Variants in SVEP1 observed in about 807,000 individuals in gnomAD.
SVEP1 encodes sushi, von Willebrand factor type A, EGF and pentraxin domain-containing protein 1.
A neutral mutation model predicts 367.3 loss-of-function variants in SVEP1; 164 were observed. The ratio of observed to expected loss-of-function variants is 0.45; its 90% CI spans 0.39 to 0.51. The LOEUF is 0.51. Ranked by LOEUF, SVEP1 falls within the 20% of genes least tolerant of loss-of-function variation. SVEP1 has a pLI of 0.00. For synonymous variants in SVEP1, 1,666 were observed against 1,611.6 expected (o/e 1.03, Z -0.81); for missense variants, 4,117 against 4,425.3 (o/e 0.93, Z 1.98).
intron 11 of SVEP1, 86 bp downstream of exon 11, chr9:110,482,275 C>A: frequency 7.3e-7 from 1 of 1,374,402 alleles, no homozygotes; most frequent in Non-Finnish European, 9.6e-7. Flanking sequence ...ATGCTCATAG[C>A]CTATTTTCTT....
Position 110,406,686 on chromosome 9 carries a change from G to A in SVEP1, c.8914C>T (p.Gln2972Ter). 5 of 1,614,012 alleles carry A rather than the reference G, an allele frequency of 3.1e-6. No individual in the cohort carries two copies. Among genetic ancestry groups the A allele is most frequent in the Non-Finnish European group, 4.2e-6 (5 of 1,179,906 alleles). The change falls in exon 38 of 48, where the codon CAG becomes TAG. Residue 2972 changes from glutamine (Q) to a stop codon, truncating the protein, a stop_gained. Coordinates refer to ENST00000374469, the MANE Select transcript of SVEP1 (RefSeq NM_153366.4). LOFTEE classifies it high-confidence loss of function. ...GFSFIHGGHI[Q>*]YQCFPGYKLH... ...TTATAACCAGGAAAGCACTGATACT[G>A]TATATGGCCCCCATGAATAAAGGAA...
At chr9:110,533,212 T>C (rs1343344138) in intron 3 of SVEP1, among the ~76,000 whole-genome samples, 3 of 152,136 alleles carry the variant, frequency 2.0e-5, no homozygotes, top group Non-Finnish European at 4.4e-5. Context: ...GGCCCAGAGG[T>C]TGGGAACTCC....
At chr9:110,576,881 T>C (rs1830633761) in intron 1 of SVEP1, among the ~76,000 whole-genome samples, 1 of 152,112 alleles carries the variant, frequency 6.6e-6, no homozygotes, top group South Asian at 2.1e-4. Flanking sequence ...GACAACTGCT[T>C]ATTCATTTAA....
At chr9:110,429,117 G>T in intron 35 of SVEP1, 26 bp downstream of exon 35, 1 of 1,508,732 alleles carries the variant, frequency 6.6e-7, no homozygotes, top group Admixed American at 2.3e-5. Flanking sequence ...ATTGTAGAAA[G>T]CTTGGTTGGT....
intron 36 of SVEP1, among the ~76,000 whole-genome samples, chr9:110,415,101 A>G (rs1828099772): frequency 6.6e-6 from 1 of 152,042 alleles, no homozygotes; most frequent in South Asian, 2.1e-4. Flanking sequence ...TAAAAGGTTT[A>G]AAAAAGATAA....
Position 110,482,405 on chromosome 9 carries a change from G to C in SVEP1, c.2126C>G (p.Pro709Arg). The C allele has an allele frequency of 6.2e-7, 1 of 1,612,232 alleles. No homozygotes were observed. The highest frequency in any genetic ancestry group is 2.2e-5 in the East Asian group (1 of 44,844). Residue 709 changes from proline (P) to arginine (R), a missense_variant, in exon 11 of 48, where the codon CCC becomes CGC. Transcript: ENST00000374469. The part of the protein sequence containing the change: ...ETIVQYTATD[P>R]SGNNRTCDIH... Reference sequence around the variant, plus strand: ...ATCACATGTCCTGTTATTGCCTGAGGGGTCAGTGGCTGTATACTGTACTAT... The same window carrying C: ...ATCACATGTCCTGTTATTGCCTGAGCGGTCAGTGGCTGTATACTGTACTAT...
At chr9:110,378,267 C>T (rs549221667) in intron 44 of SVEP1, among the ~76,000 whole-genome samples, 2 of 152,096 alleles carry the variant, frequency 1.3e-5, no homozygotes, top group Non-Finnish European at 2.9e-5. Context: ...TTTAAGATGT[C>T]CCCCCTCAAA....
intron 40 of SVEP1, among the ~76,000 whole-genome samples, chr9:110,397,122 G>T (rs188714218): frequency 6.6e-6 from 1 of 152,298 alleles, no homozygotes; most frequent in African/African-American, 2.4e-5. Context: ...GAATCCAGAA[G>T]CACATCAAAA....
At chr9:110,467,766 A>C (rs1018223221) in intron 17 of SVEP1, among the ~76,000 whole-genome samples, 1 of 151,630 alleles carries the variant, frequency 6.6e-6, no homozygotes, top group Non-Finnish European at 1.5e-5. Context: ...CTCCTGAGTA[A>C]CTGGGACTAC....
At chr9:110,410,441 C>G (rs1828027979) in intron 37 of SVEP1, among the ~76,000 whole-genome samples, 3 of 152,138 alleles carry the variant, frequency 2.0e-5, no homozygotes, top group African/African-American at 7.2e-5. Flanking sequence ...TATCTTTTGT[C>G]TAAGCATTTA....
chr9:110,445,115 T>G (rs1828569275), intron 26 of SVEP1, among the ~76,000 whole-genome samples: 2 of 152,110 alleles, frequency 1.3e-5, no homozygotes, highest in African/African-American at 4.8e-5. Flanking sequence ...GAACCTGAAG[T>G]TTTGCCAAGG....
At chr9:110,486,513 C>T (rs933406700) in intron 9 of SVEP1, among the ~76,000 whole-genome samples, 5 of 152,054 alleles carry the variant, frequency 3.3e-5, no homozygotes, top group Non-Finnish European at 4.4e-5. Context: ...AAAATGTAAG[C>T]TTTGGTGTAT....
chr9:110,563,712 A>G (rs1319826129), intron 1 of SVEP1, among the ~76,000 whole-genome samples: 2 of 152,184 alleles, frequency 1.3e-5, no homozygotes, highest in African/African-American at 4.8e-5. Context: ...TGAAACCAGG[A>G]ACAAGCAAGC....
intron 36 of SVEP1, among the ~76,000 whole-genome samples, chr9:110,414,820 A>C (rs764203835): frequency 6.6e-6 from 1 of 152,008 alleles, no homozygotes; most frequent in Admixed American, 6.5e-5. Context: ...TAATAAGAAC[A>C]ACAGGAAGCA....
chr9:110,405,614 A>G (rs899442675), intron 38 of SVEP1, among the ~76,000 whole-genome samples: 397 of 151,182 alleles, frequency 2.6e-3, no homozygotes, highest in African/African-American at 8.3e-3. Context: ...GAATACCTAC[A>G]TGGACTCAGA....
At chr9:110,390,178 T>TATACATACATACTTATATAA (rs1491049550) in intron 40 of SVEP1, among the ~76,000 whole-genome samples, 1 of 49,612 alleles carries the variant, frequency 2.0e-5, no homozygotes, top group Non-Finnish European at 4.2e-5. Context: ...TAAGTATGTA[T>TATACATACATACTTATATAA]GTATATATAC....
rs1829185775 is a variant in SVEP1, at chr9:110,481,418, G to A, written c.2189C>T (p.Pro730Leu). 1.3e-6 allele frequency: 2 copies of A among 1,586,196 alleles called. No individual in the cohort carries two copies. Among genetic ancestry groups the A allele is most frequent in the African/African-American group, 2.7e-5 (2 of 74,240 alleles). Reference sequence around the variant, plus strand: ...AAAATCCCCATTTACAGGTGTGAATGGAATTTCACAGGGAGAACCTGTGTA... The same window carrying A: ...AAAATCCCCATTTACAGGTGTGAATAGAATTTCACAGGGAGAACCTGTGTA... ...IVIKGSPCEI[P>L]FTPVNGDFIC... The change falls in exon 12 of 48, where the codon CCA becomes CTA. Residue 730 changes from proline to leucine, a missense_variant. Pro to Leu is a moderately conservative substitution (Grantham distance 98). Coordinates refer to ENST00000374469, the MANE Select transcript of SVEP1 (RefSeq NM_153366.4).
intron 1 of SVEP1, among the ~76,000 whole-genome samples, chr9:110,560,546 C>A (rs1452770731): frequency 6.6e-6 from 1 of 152,156 alleles, no homozygotes; most frequent in East Asian, 1.9e-4. Flanking sequence ...AGTCTAATGG[C>A]TCCTAAATCA....
chr9:110,561,918 G>C (rs1377041179), intron 1 of SVEP1, among the ~76,000 whole-genome samples: 2 of 152,122 alleles, frequency 1.3e-5, no homozygotes, highest in African/African-American at 2.4e-5. Context: ...ATAACATTTA[G>C]GCTATTTATT....
Sources: allele counts gnomAD v4.1 joint callset (sites outside exome capture counted in the v4.1 genomes callset), GRCh38; gene constraint gnomAD v4.1.1; transcripts MANE v1.5; gene names NCBI Gene and HGNC (gene_info 2026-07-23, HGNC 2026-07-21).